PTPRD: variants seen among roughly 807,000 people sequenced by gnomAD.
PTPRD encodes receptor-type tyrosine-protein phosphatase delta.
A neutral mutation model predicts 214.5 loss-of-function variants in PTPRD; 34 were observed. That is an observed-to-expected ratio of 0.16 (90% CI 0.12 to 0.21). The LOEUF (loss-of-function observed/expected upper bound fraction) is 0.21. PTPRD is among the 10% of genes least tolerant of loss of function. The pLI, the probability that PTPRD is intolerant of heterozygous loss-of-function variation, is 1.00. For synonymous variants in PTPRD, 1,128 were observed against 845.7 expected (o/e 1.33, Z -5.79); for missense variants, 2,545 against 2,398.7 (o/e 1.06, Z -1.27).
At chr9:9,983,596 G>C (rs2095613831) in intron 4 of PTPRD, among the ~76,000 whole-genome samples, 1 of 152,092 alleles carries the variant, frequency 6.6e-6, no homozygotes, top group Admixed American at 6.6e-5. Context: ...TTTCACATGG[G>C]AACCAAAACG....
chr9:9,920,610 T>C (rs1044225388), intron 5 of PTPRD, among the ~76,000 whole-genome samples: 1 of 152,156 alleles, frequency 6.6e-6, no homozygotes, highest in Non-Finnish European at 1.5e-5. Flanking sequence ...CACTTCACCA[T>C]GGTAGCCCCT....
chr9:9,471,230 T>C (rs10816136), intron 8 of PTPRD, among the ~76,000 whole-genome samples: 76,026 of 151,968 alleles, frequency 0.5, 19,417 homozygotes, highest in East Asian at 0.69. Context: ...TATCTATCTA[T>C]AAATACCAAC....
chr9:8,780,317 G>C (rs368047270), intron 11 of PTPRD, among the ~76,000 whole-genome samples: 10 of 152,210 alleles, frequency 6.6e-5, no homozygotes, highest in African/African-American at 2.4e-4. Flanking sequence ...TTTTCCCCGA[G>C]AGTAGGTGTA....
At chr9:9,963,797 C>A (rs2094508401) in intron 4 of PTPRD, among the ~76,000 whole-genome samples, 1 of 152,056 alleles carries the variant, frequency 6.6e-6, no homozygotes, top group Admixed American at 6.6e-5. Flanking sequence ...CTGAAGGGTA[C>A]CATGCACTAA....
At chr9:8,755,254 G>T (rs1414811101) in intron 11 of PTPRD, among the ~76,000 whole-genome samples, 1 of 151,522 alleles carries the variant, frequency 6.6e-6, no homozygotes, top group East Asian at 1.9e-4. Flanking sequence ...AACAGGCCAG[G>T]TGCGGTGGCT....
At chr9:9,256,026 T>C (rs948702835) in intron 9 of PTPRD, among the ~76,000 whole-genome samples, 4 of 152,020 alleles carry the variant, frequency 2.6e-5, no homozygotes, top group African/African-American at 9.7e-5. Context: ...GATAAAAGCA[T>C]AACTTTATTG....
chr9:10,536,723 C>A (rs1176277979), intron 2 of PTPRD, among the ~76,000 whole-genome samples: 1 of 152,084 alleles, frequency 6.6e-6, no homozygotes, highest in Non-Finnish European at 1.5e-5. Context: ...GCCCAGGGAA[C>A]ACTGCAGAGA....
chr9:9,761,234 A>T (rs2098653180), intron 6 of PTPRD, among the ~76,000 whole-genome samples: 1 of 152,218 alleles, frequency 6.6e-6, no homozygotes, highest in Non-Finnish European at 1.5e-5. Context: ...CTATTGATAC[A>T]TGCAACAACT....
At chr9:8,914,834 A>G (rs1473814494) in intron 11 of PTPRD, among the ~76,000 whole-genome samples, 1 of 152,154 alleles carries the variant, frequency 6.6e-6, no homozygotes, top group Non-Finnish European at 1.5e-5. Context: ...AAAGCAGACT[A>G]ACATTTACTG....
intron 9 of PTPRD, among the ~76,000 whole-genome samples, chr9:9,204,907 C>T (rs193038193): frequency 3.4e-4 from 51 of 152,192 alleles, no homozygotes; most frequent in African/African-American, 1.2e-3. Context: ...GTTCATAAGA[C>T]AACTTATTGT....
chr9:8,785,553 C>A (rs916373897), intron 11 of PTPRD, among the ~76,000 whole-genome samples: 1 of 152,200 alleles, frequency 6.6e-6, no homozygotes, highest in Non-Finnish European at 1.5e-5. Flanking sequence ...GCCCCTCTGC[C>A]TCCATATTAA....
chr9:9,432,896 G>A (rs979165189), intron 8 of PTPRD, among the ~76,000 whole-genome samples: 1 of 152,150 alleles, frequency 6.6e-6, no homozygotes, highest in Non-Finnish European at 1.5e-5. Context: ...TCAGGAAATC[G>A]TTATAATTCC....
intron 3 of PTPRD, among the ~76,000 whole-genome samples, chr9:10,203,638 A>C (rs1323754159): frequency 6.6e-6 from 1 of 152,140 alleles, no homozygotes; most frequent in African/African-American, 2.4e-5. Flanking sequence ...CATTTATTCC[A>C]CTATTCCAAG....
intron 34 of PTPRD, among the ~76,000 whole-genome samples, chr9:8,440,644 CTG>C (rs1288974608): frequency 1.3e-5 from 2 of 152,150 alleles, no homozygotes; most frequent in Non-Finnish European, 2.9e-5. Context: ...CGCATCAAAT[CTG>C]TTAAGACTTT....
At chr9:9,109,741 T>C (rs560387247) in intron 10 of PTPRD, among the ~76,000 whole-genome samples, 7 of 152,252 alleles carry the variant, frequency 4.6e-5, no homozygotes, top group African/African-American at 1.2e-4. Flanking sequence ...TATTTTTCCA[T>C]CTTTCTGCGA....
At chr9:8,642,396 T>C (rs1438536379) in intron 12 of PTPRD, among the ~76,000 whole-genome samples, 4 of 152,192 alleles carry the variant, frequency 2.6e-5, no homozygotes, top group Non-Finnish European at 5.9e-5. Context: ...GTCATAACAA[T>C]GTACTTAAAA....
At chr9:10,464,830 C>T (rs185187628) in intron 2 of PTPRD, among the ~76,000 whole-genome samples, 1 of 151,866 alleles carries the variant, frequency 6.6e-6, no homozygotes, top group African/African-American at 2.4e-5. Flanking sequence ...TTAAAAAATT[C>T]CAGGTGAAAA....
chr9:10,472,604 T>G (rs1281833437), intron 2 of PTPRD, among the ~76,000 whole-genome samples: 3 of 152,090 alleles, frequency 2.0e-5, no homozygotes, highest in Admixed American at 6.6e-5. Flanking sequence ...TCACAATGTT[T>G]GGGATAACTC....
intron 7 of PTPRD, among the ~76,000 whole-genome samples, chr9:9,717,425 T>A (rs555333319): frequency 6.6e-6 from 1 of 152,318 alleles, no homozygotes; most frequent in East Asian, 1.9e-4. Flanking sequence ...GTATTGAATC[T>A]ATAAATTACC....
Sources: allele counts gnomAD v4.1 joint callset (sites outside exome capture counted in the v4.1 genomes callset), GRCh38; gene constraint gnomAD v4.1.1; transcripts MANE v1.5; gene names NCBI Gene and HGNC (gene_info 2026-07-23, HGNC 2026-07-21).